Variants in UTP18 observed in about 807,000 individuals in gnomAD.
The protein encoded by UTP18 is U3 small nucleolar RNA-associated protein 18 homolog.
A neutral mutation model predicts 61.1 loss-of-function variants in UTP18; 36 were observed. The ratio of observed to expected loss-of-function variants is 0.59; its 90% CI spans 0.45 to 0.78. The LOEUF (loss-of-function observed/expected upper bound fraction) is 0.78. Among genes scored for constraint, UTP18 ranks in the 30% least tolerant of loss-of-function variants. UTP18 has a pLI of 0.00. For missense variants in UTP18, 753 were observed against 693.9 expected (o/e 1.09, Z -0.96); for synonymous variants, 282 against 251.1 (o/e 1.12, Z -1.16).
intron 11 of UTP18, among the ~76,000 whole-genome samples, chr17:51,289,790 AT>A (rs1905201069): frequency 6.6e-6 from 1 of 152,222 alleles, no homozygotes; most frequent in African/African-American, 2.4e-5. Flanking sequence ...AAAGCCTTGC[AT>A]CTGCCATCAG....
At chr17:51,268,015 T>G (rs2144398575) in intron 3 of UTP18, among the ~76,000 whole-genome samples, 1 of 140,362 alleles carries the variant, frequency 7.1e-6, no homozygotes, top group East Asian at 2.0e-4. Context: ...TTGTTTTTTG[T>G]TTTTTTTTTT....
intron 12 of UTP18, among the ~76,000 whole-genome samples, chr17:51,295,272 C>T (rs1890343522): frequency 3.3e-5 from 5 of 151,388 alleles, no homozygotes; most frequent in Admixed American, 6.6e-5. Flanking sequence ...GAAGTCCTTG[C>T]CCATGCCTAT....
Position 51,270,711 on chromosome 17 carries a change from G to T in UTP18, c.622+1807G>T, listed in dbSNP as rs561471408. The stretch of plus-strand genomic sequence containing the variant: ...GAGGGGATTTTTATTGGCCTTTCCT[G>T]GAAATGGTACAGGATACTTTTGCCT... On this transcript the variant is annotated intron_variant, in intron 4 of 13. Coordinates refer to ENST00000225298, the MANE Select transcript of UTP18 (RefSeq NM_016001.3). 7.9e-5 allele frequency among the ~76,000 whole-genome samples: 12 copies of T among 152,298 alleles called. 1 individual carries two copies. The South Asian group carries it at 2.3e-3, about 29-fold the overall frequency.
intron 11 of UTP18, among the ~76,000 whole-genome samples, chr17:51,291,759 G>GA (rs1905245642): frequency 1.3e-5 from 2 of 150,724 alleles, no homozygotes; most frequent in African/African-American, 4.9e-5. Context: ...AAAAAGAAAA[G>GA]AAAAGAAAAG....
intron 13 of UTP18, 143 bp from the exon 14 acceptor site, chr17:51,297,639 G>A: frequency 5.2e-6 from 2 of 387,606 alleles, no homozygotes; most frequent in Admixed American, 4.1e-5. Context: ...ATTTTTAAAG[G>A]TACAGGCATT....
intron 11 of UTP18, among the ~76,000 whole-genome samples, chr17:51,293,005 G>A (rs890105124): frequency 1.3e-5 from 2 of 152,224 alleles, no homozygotes; most frequent in Non-Finnish European, 2.9e-5. Context: ...TAGAATATAT[G>A]TGGTATGACT....
Position 51,285,382 on chromosome 17 carries a change from G to A in UTP18, c.1328+14G>A. On this transcript the variant is annotated intron_variant, in intron 10 of 13. Coordinates refer to ENST00000225298, the MANE Select transcript of UTP18 (RefSeq NM_016001.3). ...TGTTGCTTGTGGGTAAGTAAAGAGAGGTTCTTGTAACCTTAATCACATTGT... is the reference window on the plus strand; with the variant it reads ...TGTTGCTTGTGGGTAAGTAAAGAGAAGTTCTTGTAACCTTAATCACATTGT... 1.2e-6 allele frequency: 2 copies of A among 1,610,202 alleles called. No individual in the cohort carries two copies. Among genetic ancestry groups the A allele is most frequent in the African/African-American group, 2.7e-5 (2 of 74,994 alleles).
At chr17:51,279,181 AAACTC>A (rs1904829257) in intron 7 of UTP18, among the ~76,000 whole-genome samples, 1 of 152,202 alleles carries the variant, frequency 6.6e-6, no homozygotes, top group African/African-American at 2.4e-5. Flanking sequence ...TGGATAGTGA[AAACTC>A]TCTTCTGCTC....
At chr17:51,276,916 C>G (rs145840129) in intron 6 of UTP18, among the ~76,000 whole-genome samples, 1 of 152,284 alleles carries the variant, frequency 6.6e-6, no homozygotes, top group East Asian at 1.9e-4. Flanking sequence ...TGTTCAGCAA[C>G]CCAGAAGCTC....
chr17:51,285,923 T>G (rs1008152314), intron 10 of UTP18, among the ~76,000 whole-genome samples: 19 of 152,322 alleles, frequency 1.2e-4, no homozygotes, highest in African/African-American at 4.6e-4. Context: ...TGGCGCTACC[T>G]TATATCATTG....
intron 9 of UTP18, among the ~76,000 whole-genome samples, chr17:51,281,456 A>C (rs919384413): frequency 6.6e-6 from 1 of 152,074 alleles, no homozygotes; most frequent in African/African-American, 2.4e-5. Flanking sequence ...CTTGGTTTTC[A>C]GGAAACCTTC....
chr17:51,291,855 G>A (rs980678550), intron 11 of UTP18, among the ~76,000 whole-genome samples: 2 of 152,212 alleles, frequency 1.3e-5, no homozygotes, highest in African/African-American at 2.4e-5. Context: ...GTCATTCCAG[G>A]AAAGTTGGTG....
rs1904882303 is a variant in UTP18 at position 51,280,596 on chromosome 17, T to C, written c.1204+117T>C. The C allele has an allele frequency of 4.5e-6, 4 of 890,956 alleles. No individual in the cohort carries two copies. In the East Asian group the frequency reaches 1.1e-4, roughly 24 times the overall value. The allele number at this position is 890,956 out of a possible 1,614,324, so 55.2% of individuals were successfully genotyped here. A position where few individuals can be genotyped will look rare whatever the true frequency, so the allele number is the denominator to read the frequency against. Reference sequence around the variant, plus strand: ...TGGGAGGCCGAGATGGGCAGATCACTTGAGGTCAGCGGGTAAGATCAGCCT... The same window carrying C: ...TGGGAGGCCGAGATGGGCAGATCACCTGAGGTCAGCGGGTAAGATCAGCCT... On this transcript the variant is annotated intron_variant, in intron 9 of 13. Transcript: ENST00000225298.
chr17:51,274,333 G>A (rs1904641150), intron 5 of UTP18, among the ~76,000 whole-genome samples: 1 of 152,202 alleles, frequency 6.6e-6, no homozygotes, highest in Non-Finnish European at 1.5e-5. Flanking sequence ...GTAACCAGCT[G>A]CCTATGTAGC....
At chr17:51,286,116 C>T (rs940511538) in intron 10 of UTP18, among the ~76,000 whole-genome samples, 2 of 152,108 alleles carry the variant, frequency 1.3e-5, no homozygotes, top group Non-Finnish European at 2.9e-5. Context: ...TAGGAAATAC[C>T]ATTTGATAGT....
At chr17:51,263,195 C>T (rs1173524760) in intron 1 of UTP18, 79 bp from the exon 2 acceptor site, 1 of 1,114,298 alleles carries the variant, frequency 9.0e-7, no homozygotes, top group Admixed American at 2.1e-5. Context: ...TTCTATGAGC[C>T]ATTTGGCTGT....
chr17:51,286,283 C>T (rs970891281), intron 10 of UTP18, among the ~76,000 whole-genome samples: 1 of 152,146 alleles, frequency 6.6e-6, no homozygotes. Context: ...CGCAGTAATT[C>T]TAAGCTACCT....
At position 51,266,485 on chromosome 17, in the gene UTP18, A is replaced by C. The variant is rs528168320; in HGVS notation, c.554+205A>C. ...GAAAATTTGGAAAAAAATTCTTACC[A>C]CTCAAATATAATCAGTGATAATATT... On this transcript the variant is annotated intron_variant, in intron 3 of 13. Transcript: ENST00000225298. Among the ~76,000 whole-genome samples the C allele has an allele frequency of 8.5e-5, 13 of 152,314 alleles. No homozygotes were observed. The South Asian group carries it at 2.5e-3, about 29-fold the overall frequency.
At chr17:51,275,577 A>C (rs1331620051) in intron 5 of UTP18, among the ~76,000 whole-genome samples, 1 of 152,254 alleles carries the variant, frequency 6.6e-6, no homozygotes, top group Admixed American at 6.5e-5. Flanking sequence ...CTAGTGCTCC[A>C]AGAATGAGTA....
Sources: allele counts gnomAD v4.1 joint callset (sites outside exome capture counted in the v4.1 genomes callset), GRCh38; gene constraint gnomAD v4.1.1; transcripts MANE v1.5; gene names NCBI Gene and HGNC (gene_info 2026-07-23, HGNC 2026-07-21).